Variants in GAN observed in about 807,000 individuals in gnomAD.
GAN encodes epididymis secretory sperm binding protein.
In GAN, 48 loss-of-function variants were observed where a neutral mutation model predicts 71.3. That is an observed-to-expected ratio of 0.67 (90% CI 0.53 to 0.86). The LOEUF (loss-of-function observed/expected upper bound fraction) is 0.86. Ranked by LOEUF, GAN falls within the 40% of genes least tolerant of loss-of-function variation. The pLI, the probability that GAN is intolerant of heterozygous loss-of-function variation, is 0.00. For missense variants in GAN, 928 were observed against 770.1 expected (o/e 1.21, Z -2.43); for synonymous variants, 386 against 276.8 (o/e 1.39, Z -3.92).
intron 1 of GAN, among the ~76,000 whole-genome samples, chr16:81,323,670 G>A (rs1909288303): frequency 6.6e-6 from 1 of 152,192 alleles, no homozygotes; most frequent in Non-Finnish European, 1.5e-5. Context: ...TACAGGTTTA[G>A]TCGTTTAATA....
intron 9 of GAN, among the ~76,000 whole-genome samples, chr16:81,376,567 GTGTATA>G (rs1198841352): frequency 7.6e-4 from 109 of 143,506 alleles, no homozygotes; most frequent in African/African-American, 2.8e-3. Flanking sequence ...ACATATATAT[GTGTATA>G]TGTGTATATA....
rs1213224766 is a variant in GAN, at chr16:81,384,377, A to T, written c.*6781A>T. 6.6e-6 allele frequency: 1 copy of T among 152,074 alleles called. No homozygotes were observed. Among genetic ancestry groups the T allele is most frequent in the Admixed American group, 6.6e-5 (1 of 15,218 alleles). The allele number at this position is 152,074 out of a possible 1,614,324, so 9.4% of individuals were successfully genotyped here. A position where few individuals can be genotyped will look rare whatever the true frequency, so the allele number is the denominator to read the frequency against. On this transcript the variant is annotated 3_prime_UTR_variant, in exon 11 of 11. Transcript: ENST00000648994. ...AATAATTCTCCTAGAGTTGCTGCAAACTGATTACTTGAAACTCAACTTGAA... is the reference window on the plus strand; with the variant it reads ...AATAATTCTCCTAGAGTTGCTGCAATCTGATTACTTGAAACTCAACTTGAA...
At chr16:81,318,941 A>G (rs1384397879) in intron 1 of GAN, among the ~76,000 whole-genome samples, 2 of 151,600 alleles carry the variant, frequency 1.3e-5, no homozygotes, top group African/African-American at 2.4e-5. Context: ...CTTTCCCAGC[A>G]TGCTCCTTTC....
intron 1 of GAN, among the ~76,000 whole-genome samples, chr16:81,327,343 A>C (rs1481892251): frequency 6.6e-6 from 1 of 152,160 alleles, no homozygotes; most frequent in African/African-American, 2.4e-5. Context: ...TTTCAGATGG[A>C]GCTTAAACAT....
intron 9 of GAN, among the ~76,000 whole-genome samples, chr16:81,376,577 GTA>G (rs1179508299): frequency 6.7e-6 from 1 of 148,842 alleles, no homozygotes; most frequent in Non-Finnish European, 1.5e-5. Flanking sequence ...GTGTATATGT[GTA>G]TATATGTATG....
At chr16:81,335,994 G>A (rs974810953) in intron 1 of GAN, among the ~76,000 whole-genome samples, 1 of 152,154 alleles carries the variant, frequency 6.6e-6, no homozygotes, top group African/African-American at 2.4e-5. Context: ...CAGTGCACCA[G>A]TGTGAGGCTG....
At chr16:81,335,611 G>C (rs1006169834) in intron 1 of GAN, among the ~76,000 whole-genome samples, 2 of 152,008 alleles carry the variant, frequency 1.3e-5, no homozygotes, top group African/African-American at 4.8e-5. Context: ...GCTGGGTGTG[G>C]TGGCGCACAC....
rs1904456525 is a variant in GAN at position 81,388,094 on chromosome 16, G to C, written c.*10498G>C. 6.6e-6 allele frequency: 1 copy of C among 152,222 alleles called. No homozygotes were observed. The highest frequency in any genetic ancestry group is 1.5e-5 in the Non-Finnish European group (1 of 68,070). 9.4% of individuals were successfully genotyped at this position (152,222 alleles called of 1,614,324 possible). A position where few individuals can be genotyped will look rare whatever the true frequency, so the allele number is the denominator to read the frequency against. On this transcript the variant is annotated 3_prime_UTR_variant, in exon 11 of 11. Transcript: ENST00000648994. ...GGCGCATCTTTCTCTGCCAGCTTAG[G>C]GATTGCCGTCAAGGTGGAGGAAGGG... is the stretch of plus-strand genomic sequence containing the variant.
In GAN at chr16:81,379,779, TCTGATA is replaced by T. The variant is rs1904296167; in HGVS notation, c.*2184_*2189del. ...CGTCAGCAATTCTCCTTTTTTAATT[TCTGATA>T]TTTAAAGTTTTTTTTCCAGTCTACA... is the stretch of plus-strand genomic sequence containing the variant. On this transcript the variant is annotated 3_prime_UTR_variant, in exon 11 of 11. Transcript: ENST00000648994. The T allele has an allele frequency of 6.6e-6, 1 of 152,196 alleles. No individual in the cohort carries two copies. The highest frequency in any genetic ancestry group is 1.5e-5 in the Non-Finnish European group (1 of 68,026). 9.4% of individuals were successfully genotyped at this position (152,196 alleles called of 1,614,324 possible). A position where few individuals can be genotyped will look rare whatever the true frequency, so the allele number is the denominator to read the frequency against.
At chr16:81,323,700 A>C (rs1035805221) in intron 1 of GAN, among the ~76,000 whole-genome samples, 1 of 152,220 alleles carries the variant, frequency 6.6e-6, no homozygotes, top group Non-Finnish European at 1.5e-5. Flanking sequence ...GAGATAACTC[A>C]AGACATCTCA....
intron 9 of GAN, among the ~76,000 whole-genome samples, chr16:81,370,518 G>T (rs897506814): frequency 6.6e-6 from 1 of 152,266 alleles, no homozygotes; most frequent in Non-Finnish European, 1.5e-5. Context: ...CTTTAGGGCA[G>T]AGGGAAAACA....
At chr16:81,338,461 C>T (rs1909838393) in intron 1 of GAN, among the ~76,000 whole-genome samples, 1 of 152,090 alleles carries the variant, frequency 6.6e-6, no homozygotes, top group Admixed American at 6.6e-5. Context: ...TCATTCAGTA[C>T]AGTCCATTGA....
At chr16:81,331,524 A>G (rs944833743) in intron 1 of GAN, among the ~76,000 whole-genome samples, 1 of 152,216 alleles carries the variant, frequency 6.6e-6, no homozygotes, top group African/African-American at 2.4e-5. Context: ...ATCTTAAATT[A>G]TTTCAAAATC....
intron 1 of GAN, among the ~76,000 whole-genome samples, chr16:81,317,075 T>A (rs1225313194): frequency 1.3e-5 from 2 of 152,216 alleles, no homozygotes; most frequent in Admixed American, 6.5e-5. Context: ...GCCAGGCTGG[T>A]CTCGAACTCC....
chr16:81,360,190 C>T (rs539186513), intron 5 of GAN, among the ~76,000 whole-genome samples: 51 of 152,266 alleles, frequency 3.3e-4, no homozygotes, highest in African/African-American at 1.2e-3. Flanking sequence ...TCAGACTTTC[C>T]ACCTAGGATC....
rs1241437532 is a variant in GAN, at chr16:81,390,145, A to G, written c.*12549A>G. On this transcript the variant is annotated 3_prime_UTR_variant, in exon 11 of 11. Transcript: ENST00000648994. Reference sequence around the variant, plus strand: ...AAAACAGGGATTTGCAATGAAAATCATAGCTAAATAGGCAGGTTTAGAAAG... The same window carrying G: ...AAAACAGGGATTTGCAATGAAAATCGTAGCTAAATAGGCAGGTTTAGAAAG... 4 of 152,234 alleles carry G rather than the reference A, an allele frequency of 2.6e-5. No individual in the cohort carries two copies. The highest frequency in any genetic ancestry group is 2.9e-5 in the Non-Finnish European group (2 of 68,034). The allele number at this position is 152,234 out of a possible 1,614,324, so 9.4% of individuals were successfully genotyped here.
chr16:81,335,341 C>G (rs1009835000), intron 1 of GAN, among the ~76,000 whole-genome samples: 21 of 152,122 alleles, frequency 1.4e-4, no homozygotes, highest in Admixed American at 3.9e-4. Flanking sequence ...AATGGCTGGA[C>G]ACAGTGGCTC....
chr16:81,381,723 T>G lies in GAN; in HGVS notation c.*4127T>G, dbSNP rs190716501. ...TGCCAGTCTCAGTGCTTGCACAGAG[T>G]AGGTAGGCAATAAACATTTGACAAA... On this transcript the variant is annotated 3_prime_UTR_variant, in exon 11 of 11. Coordinates refer to ENST00000648994, the MANE Select transcript of GAN (RefSeq NM_022041.4). 12 of 152,248 alleles carry G rather than the reference T, an allele frequency of 7.9e-5. No individual in the cohort carries two copies. Among genetic ancestry groups the G allele is most frequent in the Admixed American group, 7.8e-4 (12 of 15,294 alleles). 9.4% of individuals were successfully genotyped at this position (152,248 alleles called of 1,614,324 possible). A position where few individuals can be genotyped will look rare whatever the true frequency, so the allele number is the denominator to read the frequency against.
chr16:81,359,835 A>G (rs1189162980), intron 5 of GAN, among the ~76,000 whole-genome samples: 1 of 152,200 alleles, frequency 6.6e-6, no homozygotes, highest in Non-Finnish European at 1.5e-5. Context: ...ACTGATAATA[A>G]AACGACGATA....
Sources: allele counts gnomAD v4.1 joint callset (sites outside exome capture counted in the v4.1 genomes callset), GRCh38; gene constraint gnomAD v4.1.1; transcripts MANE v1.5; gene names NCBI Gene and HGNC (gene_info 2026-07-23, HGNC 2026-07-21).